The following WIPF2 variants were observed in gnomAD, a reference collection of about 807,000 sequenced individuals.
The protein encoded by WIPF2 is WAS/WASL interacting protein family member 2, also known as WAS/WASL-interacting protein family member 2.
A neutral mutation model predicts 38.8 loss-of-function variants in WIPF2; 23 were observed. The ratio of observed to expected loss-of-function variants is 0.59; its 90% CI spans 0.43 to 0.84. WIPF2 has a LOEUF of 0.84. Among genes scored for constraint, WIPF2 ranks in the 40% least tolerant of loss-of-function variants. The pLI, the probability that WIPF2 is intolerant of heterozygous loss-of-function variation, is 0.00. For missense variants in WIPF2, 574 were observed against 580.5 expected (o/e 0.99, Z 0.11); for synonymous variants, 210 against 223.2 (o/e 0.94, Z 0.53).
In WIPF2 at chr17:40,247,068, C is replaced by G. The variant is rs930136839; in HGVS notation, c.-69-9323C>G. Among the ~76,000 whole-genome samples, 3 of 151,114 alleles carry G rather than the reference C, an allele frequency of 2.0e-5. 1 individual carries two copies. Among genetic ancestry groups the G allele is most frequent in the African/African-American group, 7.3e-5 (3 of 41,156 alleles). On this transcript the variant is annotated intron_variant, in intron 1 of 7. Transcript: ENST00000323571. ...GGAGGAGGTTGCAGTGAGCCGAGAT[C>G]GTGCCATTGCACTCCAACCTGGGTG... is the stretch of plus-strand genomic sequence containing the variant.
rs761678744 is a variant in WIPF2 at position 40,265,004 on chromosome 17, G to C, written c.828G>C (p.Leu276=). 6.2e-7 allele frequency: 1 copy of C among 1,614,112 alleles called. No individual in the cohort carries two copies. The highest frequency in any genetic ancestry group is 8.5e-7 in the Non-Finnish European group (1 of 1,180,014). ...SSPTNESAPE[L]PQRHNSLHRK... is the part of the protein sequence containing the mutation. ...CCACTAATGAGTCAGCCCCTGAGCT[G>C]CCACAGAGACACAATTCTTTGCATA... Residue 276 remains leucine, a synonymous_variant, in exon 5 of 8, where the codon CTG becomes CTC. Coordinates refer to ENST00000323571, the MANE Select transcript of WIPF2 (RefSeq NM_133264.5).
intron 1 of WIPF2, chr17:40,219,884 G>A (rs181913217): frequency 1.1e-4 from 17 of 152,864 alleles, no homozygotes; most frequent in African/African-American, 4.1e-4. Flanking sequence ...GGGAACGGAG[G>A]ACCTGTTGGG....
chr17:40,257,269 G>A (rs1041003381), intron 2 of WIPF2, among the ~76,000 whole-genome samples: 14 of 151,922 alleles, frequency 9.2e-5, no homozygotes, highest in Admixed American at 2.6e-4. Context: ...GAGCCACCGC[G>A]CCCGGCTTGA....
chr17:40,260,512 C>T, intron 2 of WIPF2, 23 bp from the exon 3 acceptor site: 1 of 1,612,562 alleles, frequency 6.2e-7, no homozygotes, highest in Non-Finnish European at 8.5e-7. Flanking sequence ...TTAGGGTGAA[C>T]TTATATTTCT....
In WIPF2 at chr17:40,277,155, A is replaced by G. The variant is rs768298612; in HGVS notation, c.1253A>G (p.Gln418Arg). Residue 418 changes from glutamine (Q) to arginine (R), a missense_variant, in exon 7 of 8, where the codon CAG becomes CGG. Coordinates refer to ENST00000323571, the MANE Select transcript of WIPF2 (RefSeq NM_133264.5). ...GCTCCAGAAGAATATAAACACTTTC[A>G]GAGGATATATCCCAGCAAAACAAAC... The part of the protein sequence containing the change: ...FPAPEEYKHF[Q>R]RIYPSKTNRA... The G allele has an allele frequency of 1.5e-5, 25 of 1,613,474 alleles. No homozygotes were observed. Among genetic ancestry groups the G allele is most frequent in the Non-Finnish European group, 1.9e-5 (22 of 1,179,728 alleles).
intron 1 of WIPF2, among the ~76,000 whole-genome samples, chr17:40,222,549 T>C (rs2030284370): frequency 6.7e-6 from 1 of 150,204 alleles, no homozygotes; most frequent in South Asian, 2.1e-4. Context: ...CATGTTTTTC[T>C]GTTTCTTCCT....
chr17:40,246,886 C>A (rs1198848605), intron 1 of WIPF2, among the ~76,000 whole-genome samples: 1 of 151,654 alleles, frequency 6.6e-6, no homozygotes, highest in Non-Finnish European at 1.5e-5. Context: ...CCGAGGTGGG[C>A]GGATCACGAC....
At chr17:40,239,673 C>G (rs1191757825) in intron 1 of WIPF2, among the ~76,000 whole-genome samples, 2 of 149,790 alleles carry the variant, frequency 1.3e-5, no homozygotes, top group East Asian at 2.0e-4. Context: ...TTCCTTTGGA[C>G]TCTTTGGTTC....
chr17:40,257,045 C>T (rs1173924524), intron 2 of WIPF2, among the ~76,000 whole-genome samples: 2 of 151,950 alleles, frequency 1.3e-5, no homozygotes, highest in African/African-American at 4.8e-5. Flanking sequence ...GTGGCACGGT[C>T]TCGGCTCACT....
intron 7 of WIPF2, among the ~76,000 whole-genome samples, chr17:40,277,723 C>CTTTTTTTTTTTTGTTTTTT (rs2032447289): frequency 1.0e-5 from 1 of 97,638 alleles, no homozygotes; most frequent in Non-Finnish European, 1.9e-5. Context: ...CTTCGTTGTC[C>CTTTTTTTTTTTTGTTTTTT]TTTTTTTTTT....
intron 1 of WIPF2, among the ~76,000 whole-genome samples, chr17:40,248,623 TTA>T (rs1427444800): frequency 2.0e-5 from 3 of 152,306 alleles, no homozygotes; most frequent in Middle Eastern, 3.4e-3. Context: ...TACCAAACAT[TTA>T]TGTTTCATCT....
At position 40,277,185 on chromosome 17, in the gene WIPF2, G is replaced by A; in HGVS notation, c.1282+1G>A. The stretch of plus-strand genomic sequence containing the variant: ...ATATATCCCAGCAAAACAAACCGAG[G>A]TGAGAATAATAATAAGAAGGTTTTT... On this transcript the variant is annotated splice_donor_variant, in intron 7 of 7. Coordinates refer to ENST00000323571, the MANE Select transcript of WIPF2 (RefSeq NM_133264.5). LOFTEE classifies it high-confidence loss of function. 6.3e-7 allele frequency: 1 copy of A among 1,599,156 alleles called. No individual in the cohort carries two copies. The highest frequency in any genetic ancestry group is 8.5e-7 in the Non-Finnish European group (1 of 1,170,458).
intron 1 of WIPF2, among the ~76,000 whole-genome samples, chr17:40,250,414 ATT>A (rs555271448): frequency 6.5e-5 from 7 of 107,012 alleles, no homozygotes; most frequent in Admixed American, 1.9e-4. Context: ...GTATTTTTGT[ATT>A]TTTTTTTTTT....
At chr17:40,243,436 A>G (rs1333343442) in intron 1 of WIPF2, among the ~76,000 whole-genome samples, 1 of 152,120 alleles carries the variant, frequency 6.6e-6, no homozygotes. Flanking sequence ...CAGTAGTTAT[A>G]TCTTCTTCCT....
intron 1 of WIPF2, among the ~76,000 whole-genome samples, chr17:40,228,003 TCTTTTTG>T: frequency 7.0e-6 from 1 of 143,848 alleles, no homozygotes; most frequent in Non-Finnish European, 1.5e-5. Flanking sequence ...TTTTTATACC[TCTTTTTG>T]TTTTTTTTTT....
intron 5 of WIPF2, among the ~76,000 whole-genome samples, chr17:40,270,193 GTC>G (rs1232736802): frequency 1.3e-5 from 2 of 150,620 alleles, no homozygotes; most frequent in Non-Finnish European, 3.0e-5. Context: ...GTGAAACCCT[GTC>G]TCTCTACTAA....
chr17:40,232,179 ATTTTTTTTT>A (rs752876006), intron 1 of WIPF2, among the ~76,000 whole-genome samples: 13 of 76,050 alleles, frequency 1.7e-4, no homozygotes, highest in East Asian at 4.7e-4. Context: ...TGCCTGGCTA[ATTTTTTTTT>A]TTTTTTTTTT....
In WIPF2 at chr17:40,280,770, T is replaced by C. The variant is rs1598506965; in HGVS notation, c.*2545T>C. 6.6e-6 allele frequency: 1 copy of C among 152,426 alleles called. No homozygotes were observed. The highest frequency in any genetic ancestry group is 1.5e-5 in the Non-Finnish European group (1 of 67,974). 9.4% of individuals were successfully genotyped at this position (152,426 alleles called of 1,614,324 possible). On this transcript the variant is annotated 3_prime_UTR_variant, in exon 8 of 8. Transcript: ENST00000323571. ...CTCCCCATGGCCCACTGCCCCCTCA[T>C]ATTCCCCAGCACTTGGACTGTGTCA...
At chr17:40,276,520 C>CAAAAAAAAA (rs1160459322) in intron 6 of WIPF2, among the ~76,000 whole-genome samples, 1 of 71,626 alleles carries the variant, frequency 1.4e-5, no homozygotes, top group Non-Finnish European at 2.4e-5. Context: ...GACTCCGTCT[C>CAAAAAAAAA]AAAAAAAAAA....
Sources: allele counts gnomAD v4.1 joint callset (sites outside exome capture counted in the v4.1 genomes callset), GRCh38; gene constraint gnomAD v4.1.1; transcripts MANE v1.5; gene names NCBI Gene and HGNC (gene_info 2026-07-23, HGNC 2026-07-21).